Variants in KLHL13 observed in about 807,000 individuals in gnomAD.
KLHL13 encodes kelch-like protein 13.
A neutral mutation model predicts 37.1 loss-of-function variants in KLHL13; 10 were observed. The observed-to-expected ratio is 0.27, with a 90% CI of 0.17 to 0.46. The LOEUF (loss-of-function observed/expected upper bound fraction) is 0.46, where lower values mean the gene tolerates loss of function less well. KLHL13 is among the 20% of genes least tolerant of loss of function. KLHL13 has a pLI of 1.00. For missense variants in KLHL13, 360 were observed against 509.3 expected (o/e 0.71, Z 2.82); for synonymous variants, 163 against 181.2 (o/e 0.90, Z 0.81).
intron 1 of KLHL13, among the ~76,000 whole-genome samples, chrX:118,059,461 C>T (rs991564531): frequency 4.5e-5 from 5 of 111,185 alleles, no homozygotes; most frequent in Admixed American, 9.6e-5. Context: ...CTGCTATCAA[C>T]GTATAAGGGA....
intron 1 of KLHL13, among the ~76,000 whole-genome samples, chrX:118,044,866 C>T (rs2054541265): frequency 8.9e-6 from 1 of 111,758 alleles, no homozygotes; most frequent in Non-Finnish European, 1.9e-5. Flanking sequence ...GCACAGACAA[C>T]CAAAGCAAAA....
Position 117,950,984 on chromosome X carries a change from TA to T in KLHL13, c.99-5410del, listed in dbSNP as rs1933566388. ...ACCCTTGAGAAATAAATTAAAAACT[TA>T]AGATGGTAGAAGCCATTTTCCATTG... is the stretch of plus-strand genomic sequence containing the variant. On this transcript the variant is annotated intron_variant, in intron 1 of 6. Transcript: ENST00000262820. Among the ~76,000 whole-genome samples, 13 of 112,194 alleles carry T rather than the reference TA, an allele frequency of 1.2e-4. No individual in the cohort carries two copies. In the South Asian group the frequency reaches 4.8e-3, roughly 42 times the overall value.
intron 1 of KLHL13, among the ~76,000 whole-genome samples, chrX:117,949,974 C>T (rs1380788913): frequency 8.9e-6 from 1 of 112,176 alleles, no homozygotes; most frequent in Non-Finnish European, 1.9e-5. Context: ...CTACACTTTC[C>T]TGTACTGTTT....
rs190702323 is a variant in KLHL13 at position 117,978,944 on chromosome X, T to G, written c.-55-33369A>C. ...TTTTTATTTTATTTTATTTTTTTTA[T>G]TTTTGAGACAGAGTCTCATTCTGTA... On this transcript the variant is annotated intron_variant, in intron 1 of 6. Transcript: ENST00000371882. Among the ~76,000 whole-genome samples the G allele has an allele frequency of 1.4e-4, 16 of 110,958 alleles. No individual in the cohort carries two copies. In the East Asian group the frequency reaches 4.2e-3, roughly 29 times the overall value.
At chrX:118,072,790 T>G (rs1374913697) in intron 1 of KLHL13, among the ~76,000 whole-genome samples, 2 of 111,841 alleles carry the variant, frequency 1.8e-5, no homozygotes. Context: ...GAAGCCTATA[T>G]CATGATGTCA....
intron 1 of KLHL13, among the ~76,000 whole-genome samples, chrX:117,960,824 C>T (rs1407324947): frequency 9.0e-6 from 1 of 111,720 alleles, no homozygotes; most frequent in East Asian, 2.8e-4. Context: ...TATGCACACA[C>T]TTTAGTACTT....
chrX:118,017,857 T>C (rs1172248273), intron 1 of KLHL13, among the ~76,000 whole-genome samples: 2 of 111,801 alleles, frequency 1.8e-5, no homozygotes, highest in Non-Finnish European at 3.8e-5. Context: ...CGATATTTTA[T>C]ACTGTGTTTC....
chrX:118,083,510 T>C (rs1290768440), intron 1 of KLHL13, among the ~76,000 whole-genome samples: 2 of 110,875 alleles, frequency 1.8e-5, no homozygotes, highest in Middle Eastern at 4.6e-3. Flanking sequence ...ATTCCACTCA[T>C]AATGAGGAAT....
At chrX:118,093,053 T>A (rs2055156443) in intron 1 of KLHL13, among the ~76,000 whole-genome samples, 1 of 112,017 alleles carries the variant, frequency 8.9e-6, no homozygotes, top group Non-Finnish European at 1.9e-5. Flanking sequence ...GGTCTTCTTT[T>A]TCATTTTCTT....
At chrX:118,112,553 C>G (rs2055423945) in intron 1 of KLHL13, among the ~76,000 whole-genome samples, 1 of 112,022 alleles carries the variant, frequency 8.9e-6, no homozygotes, top group Non-Finnish European at 1.9e-5. Flanking sequence ...AGGAATAATG[C>G]TAAGCACAAA....
intron 1 of KLHL13, among the ~76,000 whole-genome samples, chrX:118,104,919 C>T (rs776029067): frequency 2.7e-5 from 3 of 112,051 alleles, no homozygotes; most frequent in Non-Finnish European, 5.6e-5. Context: ...TTAATAAAGC[C>T]GTTAAATATT....
upstream of KLHL13, among the ~76,000 whole-genome samples, chrX:117,977,138 C>T (rs2053605609): frequency 8.9e-6 from 1 of 111,788 alleles, no homozygotes; most frequent in East Asian, 2.8e-4. Context: ...ATAAATGTCT[C>T]AATGTATTCT....
chrX:118,063,752 T>C (rs1179879120), intron 1 of KLHL13, among the ~76,000 whole-genome samples: 2 of 111,158 alleles, frequency 1.8e-5, no homozygotes, highest in South Asian at 3.8e-4. Context: ...AATTCCTCTA[T>C]TTCAAAAAGG....
rs1602726088 is a variant in KLHL13 at position 118,101,698 on chromosome X, T to C, written c.-56+14810A>G. 3.6e-5 allele frequency among the ~76,000 whole-genome samples: 4 copies of C among 111,343 alleles called. No homozygotes were observed. In the Admixed American group the frequency reaches 3.8e-4, roughly 11 times the overall value. On this transcript the variant is annotated intron_variant, in intron 1 of 6. Coordinates refer to the KLHL13 transcript ENST00000371882. ...ATCCCCAAGTGTGGAGGGAGGGACC[T>C]GTAATCCCCATGTGTCAAGGGAGGG... is the stretch of plus-strand genomic sequence containing the variant.
chrX:118,092,323 C>T (rs34878757), intron 1 of KLHL13, among the ~76,000 whole-genome samples: 2,639 of 111,352 alleles, frequency 0.024, 89 homozygotes, highest in African/African-American at 0.081. Flanking sequence ...AACACCTTAC[C>T]TATCAGGGGA....
intron 1 of KLHL13, among the ~76,000 whole-genome samples, chrX:118,031,898 C>T (rs1050400757): frequency 9.2e-6 from 1 of 109,202 alleles, no homozygotes; most frequent in African/African-American, 3.3e-5. Context: ...CGTGCGCGAG[C>T]CGAAGCAGGG....
At chrX:118,072,560 G>A (rs891500207) in intron 1 of KLHL13, among the ~76,000 whole-genome samples, 6 of 110,121 alleles carry the variant, frequency 5.4e-5, no homozygotes, top group African/African-American at 2.0e-4. Flanking sequence ...AAAATGGGAG[G>A]AAATTTTCAC....
At chrX:118,001,152 T>C (rs1377098102) in intron 1 of KLHL13, among the ~76,000 whole-genome samples, 1 of 111,741 alleles carries the variant, frequency 8.9e-6, no homozygotes, top group Non-Finnish European at 1.9e-5. Flanking sequence ...CCTGTGACAA[T>C]ATCCATAACA....
chrX:117,924,110 AGTG>A (rs1263749428), intron 2 of KLHL13, among the ~76,000 whole-genome samples: 3 of 112,158 alleles, frequency 2.7e-5, no homozygotes, highest in Non-Finnish European at 5.6e-5. Flanking sequence ...ATTCCATATT[AGTG>A]AATTTTATTC....
Sources: allele counts gnomAD v4.1 joint callset (sites outside exome capture counted in the v4.1 genomes callset), GRCh38; gene constraint gnomAD v4.1.1; transcripts MANE v1.5; gene names NCBI Gene and HGNC (gene_info 2026-07-23, HGNC 2026-07-21).